RNLS: variants seen among roughly 807,000 people sequenced by gnomAD.
RNLS encodes the protein renalase, FAD dependent amine oxidase, also known as renalase.
Under a neutral mutation model 39.8 loss-of-function variants are expected in RNLS, and 39 were observed. The observed-to-expected ratio is 0.98, with a 90% CI of 0.76 to 1.28. The LOEUF (loss-of-function observed/expected upper bound fraction) is 1.28, where lower values mean the gene tolerates loss of function less well. Among genes scored for constraint, RNLS ranks in the 50% most tolerant of loss-of-function variants. The pLI, the probability that RNLS is intolerant of heterozygous loss-of-function variation, is 0.00. For missense variants in RNLS, 410 were observed against 413.3 expected (o/e 0.99, Z 0.07); for synonymous variants, 147 against 150.7 (o/e 0.98, Z 0.18).
At chr10:88,565,674 A>G (rs1777212459) in intron 4 of RNLS, among the ~76,000 whole-genome samples, 2 of 148,744 alleles carry the variant, frequency 1.3e-5, no homozygotes, top group African/African-American at 4.9e-5. Flanking sequence ...CTCCTCCACT[A>G]AAAAAAAAGG....
intron 5 of RNLS, among the ~76,000 whole-genome samples, chr10:88,320,867 C>A (rs1208634820): frequency 6.9e-6 from 1 of 145,484 alleles, no homozygotes; most frequent in Non-Finnish European, 1.5e-5. Context: ...GTTTCAACAC[C>A]ATGCTGACGG....
At chr10:88,539,770 A>T (rs1265770977) in intron 4 of RNLS, among the ~76,000 whole-genome samples, 1 of 152,160 alleles carries the variant, frequency 6.6e-6, no homozygotes, top group East Asian at 1.9e-4. Context: ...TTAAAGTGAA[A>T]TCACATAAAA....
chr10:88,573,010 T>C lies in RNLS; in HGVS notation c.419A>G (p.Asp140Gly). The stretch of plus-strand genomic sequence containing the variant: ...TGTTTGTTTGGATACTTCCCATTTG[T>C]CATCTCTTAGGTTGATCTGTGTCAC... ...HRVTQINLRD[D>G]KWEVSKQTGS... The change falls in exon 4 of 7, where the codon GAC becomes GGC. Residue 140 changes from aspartate to glycine, a missense_variant. Transcript: ENST00000331772. The C allele has an allele frequency of 1.2e-6, 2 of 1,614,068 alleles. No homozygotes were observed. Among genetic ancestry groups the C allele is most frequent in the South Asian group, 1.1e-5 (1 of 91,070 alleles).
At chr10:88,581,830 TATGA>T (rs1430374222) in intron 2 of RNLS, 121 bp from the exon 3 acceptor site, 2 of 605,056 alleles carry the variant, frequency 3.3e-6, no homozygotes, top group Non-Finnish European at 5.2e-6. Context: ...GATATCTTCC[TATGA>T]ATATTTTGTA....
At chr10:88,231,256 C>T in the RNLS span, among the ~76,000 whole-genome samples, 2 of 152,120 alleles carry the variant, frequency 1.3e-5, no homozygotes, top group African/African-American at 2.4e-5. Context: ...TAACTGGTCT[C>T]CTTATAAAAA....
chr10:88,325,671 C>A (rs1846547769), intron 5 of RNLS, among the ~76,000 whole-genome samples: 1 of 152,178 alleles, frequency 6.6e-6, no homozygotes, highest in South Asian at 2.1e-4. Context: ...TGGGTCACAT[C>A]CAACTACATG....
At chr10:88,309,525 C>T in intron 6 of RNLS, 1 of 1,158,890 alleles carries the variant, frequency 8.6e-7, no homozygotes, top group Non-Finnish European at 1.2e-6. Context: ...CCCCTTTTCT[C>T]TCTTACTCCT....
chr10:88,570,976 T>TTG (rs1849791336), intron 4 of RNLS, among the ~76,000 whole-genome samples: 13 of 112,780 alleles, frequency 1.2e-4, no homozygotes, highest in African/African-American at 5.1e-4. Flanking sequence ...TTTTTTTTTT[T>TTG]TTTTTTTGGT....
intron 4 of RNLS, among the ~76,000 whole-genome samples, chr10:88,543,427 C>G (rs1848145263): frequency 6.6e-6 from 1 of 152,138 alleles, no homozygotes; most frequent in African/African-American, 2.4e-5. Context: ...AAGCAATTCC[C>G]CCATCTTTTT....
intron 6 of RNLS, among the ~76,000 whole-genome samples, chr10:88,289,039 G>T (rs910383045): frequency 1.3e-5 from 2 of 152,162 alleles, no homozygotes; most frequent in African/African-American, 2.4e-5. Flanking sequence ...AATCCAGGTT[G>T]CTTTGGCTCA....
chr10:88,190,302 G>T, the RNLS span, among the ~76,000 whole-genome samples: 1 of 152,336 alleles, frequency 6.6e-6, no homozygotes, highest in South Asian at 2.1e-4. Flanking sequence ...TTGGCGACCT[G>T]CCTGAGACTT....
At chr10:88,518,197 G>C (rs916343575) in intron 4 of RNLS, among the ~76,000 whole-genome samples, 21 of 151,770 alleles carry the variant, frequency 1.4e-4, no homozygotes, top group African/African-American at 5.1e-4. Flanking sequence ...ACATGAAAAA[G>C]GGGCTTTCAG....
At chr10:88,317,898 G>A (rs1845883083) in intron 5 of RNLS, among the ~76,000 whole-genome samples, 1 of 152,210 alleles carries the variant, frequency 6.6e-6, no homozygotes, top group Non-Finnish European at 1.5e-5. Flanking sequence ...GGTAGTGGGT[G>A]TGCTTCTCTG....
intron 4 of RNLS, among the ~76,000 whole-genome samples, chr10:88,523,712 G>C (rs768635715): frequency 6.6e-6 from 1 of 152,132 alleles, no homozygotes; most frequent in Non-Finnish European, 1.5e-5. Flanking sequence ...AGAAGCCAAA[G>C]AAAGTCCTTT....
downstream of RNLS, among the ~76,000 whole-genome samples, chr10:88,270,325 G>A (rs975329564): frequency 3.3e-5 from 5 of 152,106 alleles, no homozygotes; most frequent in Non-Finnish European, 5.9e-5. Flanking sequence ...GTGTCTCCTG[G>A]CTGCTCTCCA....
chr10:88,445,547 G>A (rs1162976954), intron 4 of RNLS, among the ~76,000 whole-genome samples: 1 of 152,218 alleles, frequency 6.6e-6, no homozygotes, highest in East Asian at 1.9e-4. Flanking sequence ...AGACTCATCA[G>A]TGTGCTGTAT....
intron 4 of RNLS, among the ~76,000 whole-genome samples, chr10:88,498,646 TATGC>T (rs1490505838): frequency 1.3e-5 from 2 of 151,560 alleles, no homozygotes; most frequent in Non-Finnish European, 2.9e-5. Flanking sequence ...ACAATTGTCC[TATGC>T]ATGGTTATTT....
chr10:88,462,357 C>A (rs1589834711), intron 4 of RNLS, among the ~76,000 whole-genome samples: 1 of 151,988 alleles, frequency 6.6e-6, no homozygotes, highest in Admixed American at 6.6e-5. Context: ...GTGTTACAAA[C>A]AATCCAATTA....
At position 88,406,567 on chromosome 10, in the gene RNLS, C is replaced by A. The variant is rs908431271; in HGVS notation, c.527-43842G>T. Among the ~76,000 whole-genome samples the A allele has an allele frequency of 7.9e-5, 12 of 152,048 alleles. No homozygotes were observed. The South Asian group carries it at 2.3e-3, about 29-fold the overall frequency. On this transcript the variant is annotated intron_variant, in intron 4 of 6. Transcript: ENST00000331772. Reference sequence around the variant, plus strand: ...TTTCCAAAAATGTGACCAAAGTTTCCTGATGTGGTGATCAGGGAACACTTC... The same window carrying A: ...TTTCCAAAAATGTGACCAAAGTTTCATGATGTGGTGATCAGGGAACACTTC...
Sources: allele counts gnomAD v4.1 joint callset (sites outside exome capture counted in the v4.1 genomes callset), GRCh38; gene constraint gnomAD v4.1.1; transcripts MANE v1.5; gene names NCBI Gene and HGNC (gene_info 2026-07-23, HGNC 2026-07-21).